The following CEP250 variants were observed in gnomAD, a reference collection of about 807,000 sequenced individuals.
CEP250 encodes the protein centrosomal protein 250.
CEP250 carries 242 observed loss-of-function variants against 315.7 expected under a neutral mutation model. The observed-to-expected ratio is 0.77, with a 90% CI of 0.69 to 0.85. The LOEUF is 0.85. Ranked by LOEUF, CEP250 falls within the 40% of genes least tolerant of loss-of-function variation. The probability of loss-of-function intolerance (pLI) is 0.00; values close to 1 mark genes in which losing one functional copy is unlikely to be tolerated. For synonymous variants in CEP250, 1,088 were observed against 1,175.0 expected, an observed-to-expected ratio of 0.93 and a Z score of 1.51; for missense variants, 2,515 against 2,886.4, an observed-to-expected ratio of 0.87 and a Z score of 2.95.
intron 20 of CEP250, among the ~76,000 whole-genome samples, chr20:35,487,509 T>A (rs1257969826): frequency 2.6e-5 from 4 of 152,098 alleles, no homozygotes; most frequent in Admixed American, 2.6e-4. Flanking sequence ...GGCAGTTGTA[T>A]TCTTTATTCT....
At chr20:35,479,083 A>G in intron 17 of CEP250, 148 bp from the exon 18 acceptor site, 1 of 713,582 alleles carries the variant, frequency 1.4e-6, no homozygotes, top group Non-Finnish European at 2.3e-6. Context: ...TCAGGGAAAT[A>G]GATAAATGCC....
chr20:35,494,360 G>T lies in CEP250; in HGVS notation c.3034-164G>T, dbSNP rs143717851. The T allele has an allele frequency of 8.5e-6, 7 of 826,294 alleles. No homozygotes were observed. The South Asian group carries it at 8.5e-5, about 10-fold the overall frequency. The allele number at this position is 826,294 out of a possible 1,614,324, so 51.2% of individuals were successfully genotyped here. A position where few individuals can be genotyped will look rare whatever the true frequency, so the allele number is the denominator to read the frequency against. ...ACCAGGCCGAATTGTATTGAGGAAG[G>T]GGGTGGTTAAGAACAGTGTGTAGGA... On this transcript the variant is annotated intron_variant, in intron 23 of 34. Coordinates refer to ENST00000397527, the MANE Select transcript of CEP250 (RefSeq NM_007186.6).
In CEP250 at chr20:35,508,983, G is replaced by A. The variant is rs1395653456; in HGVS notation, c.6947G>A (p.Arg2316His). Residue 2316 changes from arginine (R) to histidine (H), a missense_variant, in exon 33 of 35, where the codon CGT becomes CAT. By Grantham distance (29) the Arg-to-His change is conservative (BLOSUM62 0). Transcript: ENST00000397527. ...AGGAAGCTGAAGAGGGAGGCCATGC[G>A]TGCGGCCCAGGCAGGGTCCCTAGAG... ...ERRKLKREAMRAAQAGSLEIS... is the reference protein window; with the variant it reads ...ERRKLKREAMHAAQAGSLEIS... 7.7e-6 allele frequency: 12 copies of A among 1,558,078 alleles called. No homozygotes were observed. The highest frequency in any genetic ancestry group is 2.4e-5 in the South Asian group (2 of 84,462).
At chr20:35,494,492 C>G in intron 23 of CEP250, 32 bp from the exon 24 acceptor site, 2 of 1,612,212 alleles carry the variant, frequency 1.2e-6, no homozygotes, top group Non-Finnish European at 1.7e-6. Flanking sequence ...CCCTGCCCTG[C>G]CATCTTGGTC....
At chr20:35,498,222 A>G (rs2063900343) in intron 26 of CEP250, among the ~76,000 whole-genome samples, 155 bp downstream of exon 26, 1 of 152,172 alleles carries the variant, frequency 6.6e-6, no homozygotes, top group Non-Finnish European at 1.5e-5. Context: ...CAGCTCTACC[A>G]TTTGCTAGCT....
chr20:35,515,582 T>C lies in CEP250; in HGVS notation c.*3956T>C, dbSNP rs978129185. 1 of 152,228 alleles carries C rather than the reference T, an allele frequency of 6.6e-6. No homozygotes were observed. The highest frequency in any genetic ancestry group is 1.5e-5 in the Non-Finnish European group (1 of 68,056). The allele number at this position is 152,228 out of a possible 1,614,324, so 9.4% of individuals were successfully genotyped here. A position where few individuals can be genotyped will look rare whatever the true frequency, so the allele number is the denominator to read the frequency against. On this transcript the variant is annotated 3_prime_UTR_variant, in exon 35 of 35. Transcript: ENST00000397527. ...CCTGAGGCTTTGCCTGCAGGCCTCA[T>C]CTCAGCCCATGGGACAGATTCCTGG...
Position 35,490,795 on chromosome 20 carries a change from C to T in CEP250, c.2745C>T (p.Ala915=), listed in dbSNP as rs1327225763. Residue 915 remains alanine (A), a synonymous_variant, in exon 21 of 35, where the codon GCC becomes GCT. Transcript: ENST00000397527. The part of the protein sequence containing the change: ...REEERTQAES[A]LCQMQLETEK... ...AAGAACGGACCCAGGCAGAGAGTGC[C>T]CTATGCCAGGTGGGAAGCTAGGAGG... 1.9e-6 allele frequency: 3 copies of T among 1,612,670 alleles called. No individual in the cohort carries two copies. Among genetic ancestry groups the T allele is most frequent in the Middle Eastern group, 1.8e-4 (1 of 5,472 alleles).
intron 4 of CEP250, 63 bp from the exon 5 acceptor site, chr20:35,463,512 C>T: frequency 1.4e-6 from 2 of 1,476,984 alleles, no homozygotes; most frequent in Non-Finnish European, 1.8e-6. Flanking sequence ...CCTCAGGGGC[C>T]TTTGCTTTGG....
chr20:35,503,165 A>G lies in CEP250; in HGVS notation c.4796A>G (p.Glu1599Gly), dbSNP rs764291685. ...ALTHLTLDLE[E>G]RSQELQAQSS... ...ACCCACCTTACGCTGGACCTAGAAG[A>G]AAGGAGCCAGGAGCTGCAGGCACAA... Residue 1599 changes from glutamate to glycine, a missense_variant, in exon 30 of 35, where the codon GAA becomes GGA. By Grantham distance (98) the Glu-to-Gly change is moderately conservative (BLOSUM62 -2). Transcript: ENST00000397527. This position sits in a 1 kb window ranked among gnomAD's most constrained non-coding sequence, Gnocchi z 4.2. 5.0e-5 allele frequency: 81 copies of G among 1,614,010 alleles called. No individual in the cohort carries two copies. Among genetic ancestry groups the G allele is most frequent in the Non-Finnish European group, 6.8e-5 (80 of 1,180,010 alleles).
intron 4 of CEP250, among the ~76,000 whole-genome samples, 186 bp from the exon 5 acceptor site, chr20:35,463,389 C>T (rs1332468759): frequency 1.3e-5 from 2 of 152,168 alleles, no homozygotes; most frequent in African/African-American, 2.4e-5. Flanking sequence ...GGACACAGAG[C>T]GAGACTCCAT....
chr20:35,503,929 C>T lies in CEP250; in HGVS notation c.5560C>T (p.Leu1854=). ...QGALEQAHMT[L]KERHGELQDH... ...AGCTCTGGAGCAAGCCCATATGACA[C>T]TGAAGGAGCGTCATGGAGAGCTTCA... Residue 1854 remains leucine (L), a synonymous_variant, in exon 30 of 35, where the codon CTG becomes TTG. Transcript: ENST00000397527. This position sits in a 1 kb window ranked among gnomAD's most constrained non-coding sequence, Gnocchi z 4.2. The T allele has an allele frequency of 1.2e-6, 2 of 1,613,698 alleles. No homozygotes were observed. The highest frequency in any genetic ancestry group is 1.7e-6 in the Non-Finnish European group (2 of 1,179,744).
chr20:35,493,061 A>G (rs2063741628), intron 22 of CEP250, among the ~76,000 whole-genome samples: 1 of 151,972 alleles, frequency 6.6e-6, no homozygotes, highest in Non-Finnish European at 1.5e-5. Flanking sequence ...GGGGTGGGAT[A>G]TGATTTATTT....
In CEP250 at chr20:35,479,627, T is replaced by C. The variant is rs563699774; in HGVS notation, c.2289-19T>C. The C allele has an allele frequency of 4.3e-6, 7 of 1,613,620 alleles. No individual in the cohort carries two copies. In the African/African-American group the frequency reaches 9.3e-5, roughly 22 times the overall value. ...GGGCTTGATGGGTAAGAAACTCTTC[T>C]GATTCCTGAACCTCACAGCTCAGCC... On this transcript the variant is annotated intron_variant, in intron 18 of 34. Transcript: ENST00000397527.
Position 35,490,644 on chromosome 20 carries a change from A to G in CEP250, c.2594A>G (p.Glu865Gly). 6.2e-7 allele frequency: 1 copy of G among 1,612,824 alleles called. No homozygotes were observed. The highest frequency in any genetic ancestry group is 8.5e-7 in the Non-Finnish European group (1 of 1,179,764). ...TTTCCTTCATGTGGCCAGGAGAAGG[A>G]GCGCTCCTGGCACCAGCAGGAGCTG... Reference protein sequence around the residue: ...VNQLREKWEKERSWHQQELAK... With the variant: ...VNQLREKWEKGRSWHQQELAK... The change falls in exon 21 of 35, where the codon GAG becomes GGG. Residue 865 changes from glutamate (E) to glycine (G), a missense_variant. Transcript: ENST00000397527.
intron 4 of CEP250, 72 bp downstream of exon 4, chr20:35,462,625 G>A (rs1185460766): frequency 4.5e-6 from 6 of 1,344,352 alleles, no homozygotes; most frequent in African/African-American, 1.5e-5. Context: ...TGAGATAAGG[G>A]TTGCAGGAGG....
chr20:35,500,266 T>G, intron 28 of CEP250, 97 bp downstream of exon 28: 1 of 1,429,432 alleles, frequency 7.0e-7, no homozygotes, highest in South Asian at 1.3e-5. Context: ...ACTCTGTTTA[T>G]TTTATTTTAT....
In CEP250 at chr20:35,511,555, C is replaced by CAT. The variant is rs764828544; in HGVS notation, c.7259_7260insTA (p.Gln2420HisfsTer4). ...CCGCAGGCTGGATGAGTCCCTGACT[C>CAT]AAAGTCTGACATCCCCAGGGCCAGT... On this transcript the variant is annotated frameshift_variant, in exon 35 of 35. Transcript: ENST00000397527. LOFTEE classifies it high-confidence loss of function. The CAT allele has an allele frequency of 3.1e-6, 5 of 1,614,012 alleles. No homozygotes were observed. The highest frequency in any genetic ancestry group is 4.2e-6 in the Non-Finnish European group (5 of 1,180,006).
intron 25 of CEP250, 84 bp downstream of exon 25, chr20:35,496,799 C>T: frequency 6.9e-7 from 1 of 1,439,534 alleles, no homozygotes; most frequent in Non-Finnish European, 9.4e-7. Context: ...TGAGTCCTCT[C>T]ATGGAGAGGA....
chr20:35,467,179 G>GGGGGGGGGCGCCCCC, intron 8 of CEP250, 107 bp downstream of exon 8: 1 of 534,888 alleles, frequency 1.9e-6, no homozygotes, highest in Non-Finnish European at 3.5e-6. Flanking sequence ...GGTGGGTGGG[G>GGGGGGGGGCGCCCCC]GAGTTGGTAG....
Sources: gnomAD v4.1 joint callset for allele counts (sites outside exome capture counted in the v4.1 genomes callset) on GRCh38, gnomAD v4.1.1 for gene constraint, Gnocchi (gnomAD v3.1) non-coding constraint, MANE v1.5 for transcripts, NCBI Gene and HGNC (gene_info 2026-07-23, HGNC 2026-07-21) for gene names.